The following PTPRK variants were observed in gnomAD, a reference collection of about 807,000 sequenced individuals.
PTPRK encodes the protein protein tyrosine phosphatase receptor type K, also known as receptor-type tyrosine-protein phosphatase kappa.
Under a neutral mutation model 178.0 loss-of-function variants are expected in PTPRK, and 75 were observed. The observed-to-expected ratio is 0.42, with a 90% CI of 0.35 to 0.51. PTPRK has a LOEUF of 0.51. Among genes scored for constraint, PTPRK ranks in the 20% least tolerant of loss-of-function variants. The pLI, the probability that PTPRK is intolerant of heterozygous loss-of-function variation, is 0.02. For missense variants in PTPRK, 1,441 were observed against 1,797.8 expected (o/e 0.80, Z 3.59); for synonymous variants, 637 against 620.6 (o/e 1.03, Z -0.39).
intron 25 of PTPRK, among the ~76,000 whole-genome samples, chr6:127,977,852 A>G (rs768224096): frequency 2.0e-5 from 3 of 152,212 alleles, no homozygotes; most frequent in Non-Finnish European, 4.4e-5. Context: ...ATTTATCTGG[A>G]CTGGACAATT....
chr6:127,984,896 G>GT (rs1562382592), intron 22 of PTPRK, among the ~76,000 whole-genome samples: 1 of 152,092 alleles, frequency 6.6e-6, no homozygotes, highest in Non-Finnish European at 1.5e-5. Flanking sequence ...CCTATGGGAC[G>GT]TTTTACCTTT....
At chr6:128,129,547 G>A (rs1286518735) in intron 7 of PTPRK, among the ~76,000 whole-genome samples, 1 of 151,972 alleles carries the variant, frequency 6.6e-6, no homozygotes, top group African/African-American at 2.4e-5. Flanking sequence ...AACAACAACA[G>A]AATACTCAGT....
rs1445765905 is a variant in PTPRK, at chr6:128,005,269, A to G, written c.2334-25T>C. 4 of 1,609,196 alleles carry G rather than the reference A, an allele frequency of 2.5e-6. No homozygotes were observed. The Admixed American group carries it at 6.7e-5, about 27-fold the overall frequency. ...GCTGCCAAGGCAAATACAAAAGGGC[A>G]TCCTTAGTGTTTGAGGCTTGCAGGA... On this transcript the variant is annotated intron_variant, in intron 14 of 29. Transcript: ENST00000368226.
intron 1 of PTPRK, 64 bp downstream of exon 1, chr6:128,520,195 C>T: frequency 1.4e-6 from 2 of 1,397,462 alleles, no homozygotes; most frequent in South Asian, 2.5e-5. Flanking sequence ...TAGCGGGGAC[C>T]TGGCTCACCC....
At position 128,405,307 on chromosome 6, in the gene PTPRK, T is replaced by C. The variant is rs554030024; in HGVS notation, c.101-7619A>G. ...TATAAACCAGTGAATTTTCTATCTT[T>C]GAAAACATTAAAAGCAATTTTGTTC... On this transcript the variant is annotated intron_variant, in intron 1 of 29. Transcript: ENST00000368226. Among the ~76,000 whole-genome samples, 16 of 152,332 alleles carry C rather than the reference T, an allele frequency of 1.1e-4. No homozygotes were observed. The South Asian group carries it at 2.3e-3, about 22-fold the overall frequency.
intron 1 of PTPRK, among the ~76,000 whole-genome samples, chr6:128,470,749 C>CT (rs11361160): frequency 0.019 from 2,147 of 114,186 alleles, 25 homozygotes; most frequent in Admixed American, 0.024. Flanking sequence ...ATATCTCTCT[C>CT]TTTTTTTTTT....
intron 1 of PTPRK, among the ~76,000 whole-genome samples, chr6:128,452,336 T>C (rs1163282005): frequency 6.6e-6 from 1 of 152,206 alleles, no homozygotes; most frequent in Non-Finnish European, 1.5e-5. Flanking sequence ...GTGCATTTGG[T>C]ACTTTTTCCC....
intron 1 of PTPRK, among the ~76,000 whole-genome samples, chr6:128,398,131 T>C (rs1840570240): frequency 6.6e-6 from 1 of 152,170 alleles, no homozygotes; most frequent in Non-Finnish European, 1.5e-5. Context: ...CTCCACACTG[T>C]GGGAGTGCGC....
At chr6:128,056,668 C>T (rs1433049393) in intron 13 of PTPRK, among the ~76,000 whole-genome samples, 2 of 152,090 alleles carry the variant, frequency 1.3e-5, no homozygotes, top group African/African-American at 4.8e-5. Flanking sequence ...TTGTGATACA[C>T]CTGCCTCGGC....
Position 127,985,873 on chromosome 6 carries a change from C to G in PTPRK, c.3099G>C (p.Arg1033Ser), listed in dbSNP as rs61757811. 13 of 1,608,722 alleles carry G rather than the reference C, an allele frequency of 8.1e-6. No individual in the cohort carries two copies. Among genetic ancestry groups the G allele is most frequent in the East Asian group, 6.7e-5 (3 of 44,756 alleles). Residue 1033 changes from arginine to serine, a missense_variant and splice_region_variant, in exon 22 of 30, where the codon AGG (arginine) becomes AGC (serine). This residue lies in a region of PTPRK where 945 missense variants were observed against 1,080.6 expected (regional missense o/e 0.87). Coordinates refer to ENST00000368226, the MANE Select transcript of PTPRK (RefSeq NM_002844.4). ...TAACTTCACGGATTTCATTGTACCC[C>G]CTCTGTGCAAAGATGGAAAGAAATG... ...YVVRTFTLER[R>S]GYNEIREVKQ...
chr6:128,074,622 C>T (rs1783443783), intron 11 of PTPRK, among the ~76,000 whole-genome samples: 3 of 152,092 alleles, frequency 2.0e-5, no homozygotes, highest in South Asian at 4.1e-4. Context: ...TAAGGAGATT[C>T]AAAGTTCTAC....
intron 7 of PTPRK, among the ~76,000 whole-genome samples, chr6:128,097,776 T>A (rs567460106): frequency 2.5e-4 from 38 of 152,246 alleles, no homozygotes; most frequent in African/African-American, 8.4e-4. Context: ...TTTTCTTAAT[T>A]TATAGAAGAA....
At chr6:127,996,628 A>G (rs1777182401) in intron 17 of PTPRK, among the ~76,000 whole-genome samples, 1 of 152,106 alleles carries the variant, frequency 6.6e-6, no homozygotes, top group Non-Finnish European at 1.5e-5. Flanking sequence ...CGTGCCACCA[A>G]GCCAGCTGAT....
chr6:128,163,631 C>T (rs904192601), intron 7 of PTPRK, among the ~76,000 whole-genome samples: 1 of 151,264 alleles, frequency 6.6e-6, no homozygotes, highest in Non-Finnish European at 1.5e-5. Flanking sequence ...GAAGCTTAGT[C>T]CGTTTGTGAG....
intron 3 of PTPRK, among the ~76,000 whole-genome samples, chr6:128,283,113 G>T (rs1264396485): frequency 6.6e-6 from 1 of 152,144 alleles, no homozygotes; most frequent in Non-Finnish European, 1.5e-5. Flanking sequence ...AGGAAGGTGA[G>T]GACAGGAAGA....
At chr6:128,146,364 G>C (rs1253713343) in intron 7 of PTPRK, among the ~76,000 whole-genome samples, 1 of 151,226 alleles carries the variant, frequency 6.6e-6, no homozygotes, top group Non-Finnish European at 1.5e-5. Context: ...CTAATTTGTT[G>C]CTTGTTGGTA....
chr6:127,977,124 C>G, intron 25 of PTPRK, 70 bp from the exon 26 acceptor site: 1 of 1,452,434 alleles, frequency 6.9e-7, no homozygotes, highest in Non-Finnish European at 9.6e-7. Context: ...CAAACAGATA[C>G]AATACACTTC....
intron 6 of PTPRK, among the ~76,000 whole-genome samples, chr6:128,203,917 A>T (rs902525088): frequency 6.6e-6 from 1 of 152,196 alleles, no homozygotes; most frequent in Non-Finnish European, 1.5e-5. Flanking sequence ...AAATTAGAAA[A>T]AAACTATTTT....
chr6:128,281,834 T>C (rs528649359), intron 3 of PTPRK, among the ~76,000 whole-genome samples: 3 of 152,298 alleles, frequency 2.0e-5, no homozygotes, highest in East Asian at 1.9e-4. Context: ...CTCAAGTTTC[T>C]TTCAACTTCC....
Sources: gnomAD v4.1 joint callset for allele counts (sites outside exome capture counted in the v4.1 genomes callset) on GRCh38, gnomAD v4.1.1 for gene constraint, gnomAD v4.1.1 regional missense constraint, MANE v1.5 for transcripts, NCBI Gene and HGNC (gene_info 2026-07-23, HGNC 2026-07-21) for gene names.